Variants in SIAH2 observed in about 807,000 individuals in gnomAD.
SIAH2 encodes E3 ubiquitin-protein ligase SIAH2.
SIAH2 carries 4 observed loss-of-function variants against 20.4 expected under a neutral mutation model. The observed-to-expected ratio is 0.20, with a 90% CI of 0.10 to 0.45. The LOEUF (loss-of-function observed/expected upper bound fraction) is 0.45, where lower values mean the gene tolerates loss of function less well. Ranked by LOEUF, SIAH2 falls within the 20% of genes least tolerant of loss-of-function variation. The pLI, the probability that SIAH2 is intolerant of heterozygous loss-of-function variation, is 0.99. For missense variants in SIAH2, 259 were observed against 440.3 expected (o/e 0.59, Z 3.69); for synonymous variants, 171 against 192.5 (o/e 0.89, Z 0.93).
intron 1 of SIAH2, among the ~76,000 whole-genome samples, chr3:150,752,697 G>T (rs767823116): frequency 6.6e-6 from 1 of 152,032 alleles, no homozygotes; most frequent in Non-Finnish European, 1.5e-5. Context: ...CTCCGGCCCC[G>T]CAAGTTATTT....
chr3:150,750,603 T>C (rs745854461), intron 1 of SIAH2, among the ~76,000 whole-genome samples: 3 of 152,166 alleles, frequency 2.0e-5, no homozygotes, highest in Non-Finnish European at 4.4e-5. Flanking sequence ...TTTATTGAAA[T>C]GACGGGGTCT....
rs1714667751 is a variant in SIAH2 at position 150,763,122 on chromosome 3, G to A, written c.-273C>T. 6.1e-6 allele frequency: 1 copy of A among 163,418 alleles called. No homozygotes were observed. The highest frequency in any genetic ancestry group is 1.2e-5 in the Non-Finnish European group (1 of 80,148). 10.1% of individuals were successfully genotyped at this position (163,418 alleles called of 1,614,324 possible). A position where few individuals can be genotyped will look rare whatever the true frequency, so the allele number is the denominator to read the frequency against. ...GTCCCGGGCCCCGAACCCCAGCGGTGCGCAGAGCCCTGGCCCACCCGCTTC... is the reference window on the plus strand; with the variant it reads ...GTCCCGGGCCCCGAACCCCAGCGGTACGCAGAGCCCTGGCCCACCCGCTTC... On this transcript the variant is annotated 5_prime_UTR_variant, in exon 1 of 2. Transcript: ENST00000312960. The surrounding 1 kb of genome is among the most constrained non-coding windows in gnomAD (Gnocchi z 4.1).
intron 1 of SIAH2, among the ~76,000 whole-genome samples, chr3:150,743,454 G>T (rs1393492172): frequency 6.6e-6 from 1 of 152,186 alleles, no homozygotes; most frequent in African/African-American, 2.4e-5. Context: ...AACATGAGAA[G>T]GGCCTAACCC....
chr3:150,754,226 C>T (rs938893217), intron 1 of SIAH2, among the ~76,000 whole-genome samples: 6 of 152,254 alleles, frequency 3.9e-5, no homozygotes, highest in East Asian at 1.9e-4. Context: ...AATTGGCTCA[C>T]GGTTCTGCAA....
chr3:150,745,704 C>T (rs1714197641), intron 1 of SIAH2, among the ~76,000 whole-genome samples: 3 of 152,094 alleles, frequency 2.0e-5, no homozygotes, highest in African/African-American at 7.2e-5. Context: ...ACCGTGTTAG[C>T]CAGGATGGTC....
Position 150,745,669 on chromosome 3 carries a change from G to T in SIAH2, c.418-2971C>A, listed in dbSNP as rs371718946. Among the ~76,000 whole-genome samples the T allele has an allele frequency of 1.1e-4, 16 of 151,940 alleles. No homozygotes were observed. In the East Asian group the frequency reaches 2.9e-3, roughly 28 times the overall value. ...TGCCACCACACCCAGCTAATTTTTT[G>T]TATTTTTAGTAGAGACGGGGTCTCA... On this transcript the variant is annotated intron_variant, in intron 1 of 1. Coordinates refer to ENST00000312960, the MANE Select transcript of SIAH2 (RefSeq NM_005067.7).
Position 150,752,657 on chromosome 3 carries a change from G to T in SIAH2, c.417+9776C>A, listed in dbSNP as rs114852946. ...AAATAAAAATACAAGATGTCTCTCA[G>T]GCAATGTTTGGAATATACTTATTAT... On this transcript the variant is annotated intron_variant, in intron 1 of 1. Coordinates refer to ENST00000312960, the MANE Select transcript of SIAH2 (RefSeq NM_005067.7). Among the ~76,000 whole-genome samples, 1,041 of 152,132 alleles carry T rather than the reference G, an allele frequency of 6.8e-3. 16 individuals are homozygous for T. The highest frequency in any genetic ancestry group is 0.023 in the African/African-American group (970 of 41,518).
chr3:150,752,962 G>C (rs1383929066), intron 1 of SIAH2, among the ~76,000 whole-genome samples: 2 of 152,162 alleles, frequency 1.3e-5, no homozygotes, highest in Non-Finnish European at 2.9e-5. Context: ...CACGAGCATG[G>C]GTGCCTAGCT....
chr3:150,742,451 T>C lies in SIAH2; in HGVS notation c.665A>G (p.Gln222Arg). The C allele has an allele frequency of 6.2e-7, 1 of 1,614,210 alleles. No individual in the cohort carries two copies. Among genetic ancestry groups the C allele is most frequent in the Non-Finnish European group, 8.5e-7 (1 of 1,180,034 alleles). ...CATGAAGTGATGGCCAAAACATGAC[T>C]GCATCATCACCCAGTCGACAGCCCC... ...LPGAVDWVMM[Q>R]SCFGHHFMLV... Residue 222 changes from glutamine (Q) to arginine (R), a missense_variant, in exon 2 of 2, where the codon CAG becomes CGG. Gln to Arg is a conservative substitution (Grantham distance 43, BLOSUM62 1). Around this residue, in one of 2 missense-constraint regions of SIAH2, gnomAD observed 160 missense variants for 327.6 expected, o/e 0.49. Transcript: ENST00000312960. The surrounding 1 kb of genome is among the most constrained non-coding windows in gnomAD (Gnocchi z 4.8).
chr3:150,752,928 T>G (rs1470490501), intron 1 of SIAH2, among the ~76,000 whole-genome samples: 1 of 152,182 alleles, frequency 6.6e-6, no homozygotes, highest in African/African-American at 2.4e-5. Flanking sequence ...AGACTGGAGT[T>G]TCTGCCCCCA....
intron 1 of SIAH2, among the ~76,000 whole-genome samples, chr3:150,746,425 C>T (rs1714214041): frequency 6.6e-6 from 1 of 151,650 alleles, no homozygotes; most frequent in South Asian, 2.1e-4. Flanking sequence ...AAACAAACAA[C>T]CTAAAGGAGA....
intron 1 of SIAH2, among the ~76,000 whole-genome samples, chr3:150,760,401 TC>T (rs1714579615): frequency 6.6e-6 from 1 of 152,186 alleles, no homozygotes; most frequent in Non-Finnish European, 1.5e-5. Context: ...GAATAGAGAC[TC>T]AGAAAACCAC....
intron 1 of SIAH2, among the ~76,000 whole-genome samples, chr3:150,758,139 C>T (rs1049550779): frequency 2.6e-5 from 4 of 152,094 alleles, no homozygotes; most frequent in Admixed American, 2.6e-4. Context: ...TTTGTCTAAC[C>T]TTACTTGGTT....
In SIAH2 at chr3:150,762,134, T is replaced by C; in HGVS notation, c.417+299A>G. 2.6e-6 allele frequency: 1 copy of C among 386,712 alleles called. No individual in the cohort carries two copies. Among genetic ancestry groups the C allele is most frequent in the Non-Finnish European group, 4.7e-6 (1 of 214,796 alleles). 24.0% of individuals were successfully genotyped at this position (386,712 alleles called of 1,614,324 possible). A position where few individuals can be genotyped will look rare whatever the true frequency, so the allele number is the denominator to read the frequency against. ...TGGTGCGGCCCAGCCCTACCGAGAG[T>C]ACCCGAATACACGTCTGCAGAGGAC... On this transcript the variant is annotated intron_variant, in intron 1 of 1. Coordinates refer to ENST00000312960, the MANE Select transcript of SIAH2 (RefSeq NM_005067.7). This position sits in a 1 kb window ranked among gnomAD's most constrained non-coding sequence, Gnocchi z 6.6.
chr3:150,749,738 A>C (rs1714315579), intron 1 of SIAH2, among the ~76,000 whole-genome samples: 1 of 152,238 alleles, frequency 6.6e-6, no homozygotes, highest in African/African-American at 2.4e-5. Flanking sequence ...GTGAACCAAT[A>C]CAATTTTGCA....
chr3:150,753,812 A>T (rs530310612), intron 1 of SIAH2, among the ~76,000 whole-genome samples: 1 of 152,278 alleles, frequency 6.6e-6, no homozygotes, highest in African/African-American at 2.4e-5. Flanking sequence ...AAACAAAAAA[A>T]AAACACTGAG....
chr3:150,750,543 TA>T (rs760968626), intron 1 of SIAH2, among the ~76,000 whole-genome samples: 32 of 152,354 alleles, frequency 2.1e-4, no homozygotes, highest in East Asian at 9.6e-4. Flanking sequence ...GTGTTTCACA[TA>T]TTTTATTTAC....
intron 1 of SIAH2, among the ~76,000 whole-genome samples, chr3:150,743,689 TGCCGTG>T (rs1471411842): frequency 6.6e-6 from 1 of 152,164 alleles, no homozygotes; most frequent in Non-Finnish European, 1.5e-5. Context: ...AAATCATACC[TGCCGTG>T]GCAAAAGACC....
chr3:150,745,329 C>T (rs1714187567), intron 1 of SIAH2, among the ~76,000 whole-genome samples: 1 of 151,586 alleles, frequency 6.6e-6, no homozygotes, highest in African/African-American at 2.4e-5. Context: ...AATGGCATGT[C>T]AGAGCACCAT....
Sources: gnomAD v4.1 joint callset for allele counts (sites outside exome capture counted in the v4.1 genomes callset) on GRCh38, gnomAD v4.1.1 for gene constraint, gnomAD v4.1.1 regional missense constraint, Gnocchi (gnomAD v3.1) non-coding constraint, MANE v1.5 for transcripts, NCBI Gene and HGNC (gene_info 2026-07-23, HGNC 2026-07-21) for gene names.